Variants in CNTN5 observed in about 807,000 individuals in gnomAD.
CNTN5 encodes the protein contactin 5.
Under a neutral mutation model 129.1 loss-of-function variants are expected in CNTN5, and 77 were observed. The observed-to-expected ratio is 0.60, with a 90% CI of 0.50 to 0.72. CNTN5 has a LOEUF of 0.72. Among genes scored for constraint, CNTN5 ranks in the 30% least tolerant of loss-of-function variants. CNTN5 has a pLI of 0.00. For synonymous variants in CNTN5, 509 were observed against 465.6 expected, an observed-to-expected ratio of 1.09 and a Z score of -1.20; for missense variants, 1,478 against 1,328.8, an observed-to-expected ratio of 1.11 and a Z score of -1.75.
At chr11:100,152,040 C>A (rs946020589) in intron 13 of CNTN5, among the ~76,000 whole-genome samples, 1 of 152,138 alleles carries the variant, frequency 6.6e-6, no homozygotes, top group African/African-American at 2.4e-5. Flanking sequence ...CTCCTTTAGT[C>A]ACAATTTTAT....
chr11:99,763,916 A>G (rs1944668000), intron 3 of CNTN5, among the ~76,000 whole-genome samples: 2 of 152,210 alleles, frequency 1.3e-5, no homozygotes, highest in East Asian at 3.9e-4. Context: ...TAAAGGGACA[A>G]TATGAAATTT....
At chr11:99,035,443 T>G (rs528582366) in intron 1 of CNTN5, among the ~76,000 whole-genome samples, 9 of 152,146 alleles carry the variant, frequency 5.9e-5, no homozygotes, top group Admixed American at 5.9e-4. Context: ...GCTTTATGAA[T>G]CTGGGTGCTC....
chr11:99,076,103 G>A (rs1236019176), intron 1 of CNTN5, among the ~76,000 whole-genome samples: 2 of 152,098 alleles, frequency 1.3e-5, no homozygotes, highest in Non-Finnish European at 2.9e-5. Context: ...GGAGGCCGAG[G>A]TGGGCGGATT....
intron 8 of CNTN5, among the ~76,000 whole-genome samples, chr11:99,983,814 T>C (rs1005388745): frequency 6.6e-6 from 1 of 152,140 alleles, no homozygotes; most frequent in African/African-American, 2.4e-5. Flanking sequence ...GTTCAAAGGA[T>C]AAATTAGGAA....
chr11:99,709,226 A>G (rs1029924262), intron 3 of CNTN5, among the ~76,000 whole-genome samples: 2 of 151,924 alleles, frequency 1.3e-5, no homozygotes, highest in Admixed American at 1.3e-4. Context: ...TGTTCTTAAC[A>G]AAATGTCTTT....
intron 3 of CNTN5, among the ~76,000 whole-genome samples, chr11:99,641,572 T>C (rs1364631496): frequency 6.6e-6 from 1 of 152,086 alleles, no homozygotes; most frequent in African/African-American, 2.4e-5. Context: ...TAGAAATGTG[T>C]AGTGAACCGG....
At chr11:100,009,979 G>C (rs1162288709) in intron 9 of CNTN5, among the ~76,000 whole-genome samples, 1 of 152,080 alleles carries the variant, frequency 6.6e-6, no homozygotes, top group East Asian at 1.9e-4. Flanking sequence ...GACTTTTCTT[G>C]CTCAGCATTC....
At chr11:99,787,643 A>G (rs1145381) in intron 3 of CNTN5, among the ~76,000 whole-genome samples, 37,034 of 151,890 alleles carry the variant, frequency 0.24, 5,110 homozygotes, top group Non-Finnish European at 0.33. Context: ...TTACAATTGG[A>G]TATTTCCAAT....
intron 2 of CNTN5, among the ~76,000 whole-genome samples, chr11:99,347,162 A>G (rs1394619186): frequency 6.6e-6 from 1 of 152,138 alleles, no homozygotes; most frequent in Non-Finnish European, 1.5e-5. Flanking sequence ...TGTGTCCCAG[A>G]GTTTCAAGTT....
intron 3 of CNTN5, among the ~76,000 whole-genome samples, chr11:99,584,978 A>G (rs1949744307): frequency 3.8e-5 from 1 of 26,458 alleles, no homozygotes; most frequent in African/African-American, 4.6e-5. Context: ...TGTAAAAACT[A>G]AAATTTTTGA....
chr11:100,285,356 G>A (rs1003495752), intron 18 of CNTN5, among the ~76,000 whole-genome samples: 10 of 152,208 alleles, frequency 6.6e-5, no homozygotes, highest in South Asian at 2.1e-4. Context: ...GACAGCCAGC[G>A]TTCCATCATG....
chr11:99,475,443 A>G (rs1945334420), intron 2 of CNTN5, among the ~76,000 whole-genome samples: 1 of 152,182 alleles, frequency 6.6e-6, no homozygotes, highest in South Asian at 2.1e-4. Flanking sequence ...CTACCAACAT[A>G]GGCCATCATA....
chr11:99,735,561 A>G (rs564184747), intron 3 of CNTN5, among the ~76,000 whole-genome samples: 2 of 152,354 alleles, frequency 1.3e-5, no homozygotes, highest in African/African-American at 2.4e-5. Context: ...GTTAGAATTG[A>G]TACTGAATAA....
chr11:99,485,038 C>G (rs1193412763), intron 2 of CNTN5, among the ~76,000 whole-genome samples: 1 of 151,960 alleles, frequency 6.6e-6, no homozygotes, highest in Non-Finnish European at 1.5e-5. Context: ...AACAATAATA[C>G]ATAGTTTCAA....
intron 6 of CNTN5, among the ~76,000 whole-genome samples, chr11:99,886,146 C>G (rs940046583): frequency 6.6e-6 from 1 of 151,888 alleles, no homozygotes; most frequent in East Asian, 1.9e-4. Context: ...ATAGAAATAT[C>G]TTTATGATCT....
chr11:99,836,191 C>T (rs1249671030), intron 4 of CNTN5, among the ~76,000 whole-genome samples: 16 of 149,402 alleles, frequency 1.1e-4, no homozygotes, highest in East Asian at 4.0e-4. Context: ...ATGTGCGCAA[C>T]GTGCAGGTTT....
intron 1 of CNTN5, among the ~76,000 whole-genome samples, chr11:99,229,545 ACACAG>A (rs1860879035): frequency 6.9e-6 from 1 of 144,368 alleles, no homozygotes; most frequent in South Asian, 2.2e-4. Context: ...AAAAAAAAGG[ACACAG>A]CAGGAGGTCA....
intron 3 of CNTN5, among the ~76,000 whole-genome samples, chr11:99,592,152 G>A (rs1591329759): frequency 6.6e-6 from 1 of 152,106 alleles, no homozygotes; most frequent in East Asian, 1.9e-4. Flanking sequence ...TAGGTGGTTG[G>A]ATATATAAGT....
chr11:99,078,380 A>G (rs933883092), intron 1 of CNTN5, among the ~76,000 whole-genome samples: 2 of 152,218 alleles, frequency 1.3e-5, no homozygotes, highest in African/African-American at 4.8e-5. Flanking sequence ...AGGTTCCTCA[A>G]AAAGCTAAAA....
Sources: allele counts gnomAD v4.1 joint callset (sites outside exome capture counted in the v4.1 genomes callset), GRCh38; gene constraint gnomAD v4.1.1; transcripts MANE v1.5; gene names NCBI Gene and HGNC (gene_info 2026-07-23, HGNC 2026-07-21).